NELL1: variants seen among roughly 807,000 people sequenced by gnomAD.
NELL1 encodes protein kinase C-binding protein NELL1.
In NELL1, 76 loss-of-function variants were observed where a neutral mutation model predicts 107.4. The observed-to-expected ratio is 0.71, with a 90% confidence interval of 0.59 to 0.86. The LOEUF (loss-of-function observed/expected upper bound fraction) is 0.86. Among genes scored for constraint, NELL1 ranks in the 40% least tolerant of loss-of-function variants. The probability of loss-of-function intolerance (pLI) is 0.00; values close to 1 mark genes in which losing one functional copy is unlikely to be tolerated. For synonymous variants in NELL1, 353 were observed against 341.2 expected, an observed-to-expected ratio of 1.03 and a Z score of -0.38; for missense variants, 1,024 against 1,005.5, an observed-to-expected ratio of 1.02 and a Z score of -0.25.
At chr11:20,929,801 G>A (rs570296243) in intron 9 of NELL1, among the ~76,000 whole-genome samples, 16 of 152,044 alleles carry the variant, frequency 1.1e-4, no homozygotes, top group Non-Finnish European at 1.6e-4. Context: ...GCGAAATCCC[G>A]TCTCTACTAA....
intron 14 of NELL1, among the ~76,000 whole-genome samples, chr11:21,259,076 T>C (rs1291536559): frequency 2.6e-5 from 4 of 151,864 alleles, no homozygotes; most frequent in Non-Finnish European, 4.4e-5. Context: ...GAATGCTTTA[T>C]ATTGTTCCTA....
chr11:20,870,877 G>T (rs1158483917), intron 4 of NELL1, among the ~76,000 whole-genome samples: 1 of 152,176 alleles, frequency 6.6e-6, no homozygotes, highest in East Asian at 1.9e-4. Context: ...GATGATGATT[G>T]CTTTTTAAAA....
intron 12 of NELL1, among the ~76,000 whole-genome samples, chr11:21,079,317 T>C (rs1180196499): frequency 6.6e-6 from 1 of 152,050 alleles, no homozygotes; most frequent in Non-Finnish European, 1.5e-5. Flanking sequence ...CAGATTTTAA[T>C]GCACCGTTCT....
chr11:21,538,866 C>T (rs574255805), intron 16 of NELL1, among the ~76,000 whole-genome samples: 3 of 152,258 alleles, frequency 2.0e-5, no homozygotes, highest in Non-Finnish European at 2.9e-5. Context: ...ATTGCTCCCA[C>T]AAATGAAACT....
At chr11:21,019,190 T>C (rs903551014) in intron 12 of NELL1, among the ~76,000 whole-genome samples, 2 of 152,032 alleles carry the variant, frequency 1.3e-5, no homozygotes, top group Non-Finnish European at 2.9e-5. Flanking sequence ...TTATAATTGC[T>C]CTTCTTACCT....
intron 15 of NELL1, among the ~76,000 whole-genome samples, chr11:21,479,275 T>A (rs769392953): frequency 2.0e-5 from 3 of 152,162 alleles, no homozygotes; most frequent in African/African-American, 4.8e-5. Flanking sequence ...AGCCGAGATT[T>A]GGAAGCAACC....
chr11:21,432,387 C>T (rs550246426), intron 15 of NELL1, among the ~76,000 whole-genome samples: 73 of 152,118 alleles, frequency 4.8e-4, no homozygotes, highest in Middle Eastern at 3.4e-3. Context: ...AGTGAAAATG[C>T]TTGTCATTAT....
At chr11:21,215,380 A>T (rs1565114800) in intron 13 of NELL1, among the ~76,000 whole-genome samples, 1 of 152,206 alleles carries the variant, frequency 6.6e-6, no homozygotes, top group Non-Finnish European at 1.5e-5. Context: ...GTTCTTTATT[A>T]GCAGTGTGAG....
intron 15 of NELL1, among the ~76,000 whole-genome samples, chr11:21,427,169 C>G (rs1852843526): frequency 6.6e-6 from 1 of 152,172 alleles, no homozygotes; most frequent in African/African-American, 2.4e-5. Context: ...TTTCATGTCG[C>G]TATGTCTCAT....
intron 3 of NELL1, among the ~76,000 whole-genome samples, chr11:20,830,231 C>A (rs1338210665): frequency 6.6e-6 from 1 of 150,498 alleles, no homozygotes; most frequent in Non-Finnish European, 1.5e-5. Context: ...AAGACCCAGA[C>A]TGGTGACAGA....
chr11:21,012,504 G>A lies in NELL1; in HGVS notation c.1300+51944G>A, dbSNP rs1243990606. On this transcript the variant is annotated intron_variant, in intron 12 of 19. Coordinates refer to ENST00000357134, the MANE Select transcript of NELL1 (RefSeq NM_006157.5). ...GTCTCTCCCATTGTAACTGCCTGAT[G>A]AGAACCTCTTGCCCACTGTCCAGAT... Among the ~76,000 whole-genome samples the A allele has an allele frequency of 3.3e-5, 5 of 152,124 alleles. No homozygotes were observed. In the South Asian group the frequency reaches 8.3e-4, roughly 25 times the overall value.
In NELL1 at chr11:21,496,408, G is replaced by T. The variant is rs201526745; in HGVS notation, c.1646-37966G>T. Among the ~76,000 whole-genome samples, 2,060 of 121,032 alleles carry T rather than the reference G, an allele frequency of 0.017. 158 individuals carry two copies. The East Asian group carries it at 0.26, about 15-fold the overall frequency. 79.4% of individuals were successfully genotyped at this position (121,032 alleles called of 152,430 possible). A position where few individuals can be genotyped will look rare whatever the true frequency, so the allele number is the denominator to read the frequency against. ...TTAAACATATTTTTATTCTTCTCTT[G>T]TTTTTTTTTTTTTTTTTCTTGAGAG... is the stretch of plus-strand genomic sequence containing the variant. On this transcript the variant is annotated intron_variant, in intron 15 of 19. Coordinates refer to ENST00000357134, the MANE Select transcript of NELL1 (RefSeq NM_006157.5).
intron 12 of NELL1, among the ~76,000 whole-genome samples, chr11:21,071,374 C>T (rs1053870244): frequency 1.3e-5 from 2 of 152,122 alleles, no homozygotes; most frequent in Non-Finnish European, 2.9e-5. Context: ...CAGTTGGCAA[C>T]ATGTCTGGCA....
intron 14 of NELL1, among the ~76,000 whole-genome samples, chr11:21,329,786 T>TA (rs1253432416): frequency 6.6e-6 from 1 of 152,152 alleles, no homozygotes; most frequent in African/African-American, 2.4e-5. Context: ...CATATGTACC[T>TA]AATGAGAATC....
chr11:21,204,441 C>A (rs1044829284), intron 13 of NELL1, among the ~76,000 whole-genome samples: 1 of 151,832 alleles, frequency 6.6e-6, no homozygotes. Flanking sequence ...TGTTCTCATG[C>A]TGTGTTTTTC....
At chr11:21,044,414 T>C (rs985147949) in intron 12 of NELL1, among the ~76,000 whole-genome samples, 3 of 152,126 alleles carry the variant, frequency 2.0e-5, no homozygotes, top group African/African-American at 2.4e-5. Flanking sequence ...GGAGAAAGCA[T>C]GTTAAGCAAC....
chr11:21,393,055 G>T (rs1295955550), intron 15 of NELL1, among the ~76,000 whole-genome samples: 1 of 151,218 alleles, frequency 6.6e-6, no homozygotes, highest in Admixed American at 6.6e-5. Flanking sequence ...ATAATTTCAA[G>T]TGATTTGGAC....
chr11:21,195,860 T>C (rs1327250571), intron 13 of NELL1, among the ~76,000 whole-genome samples: 1 of 152,172 alleles, frequency 6.6e-6, no homozygotes, highest in Non-Finnish European at 1.5e-5. Context: ...CAAGGGCTGG[T>C]AATTGCCTCA....
intron 14 of NELL1, among the ~76,000 whole-genome samples, chr11:21,257,816 T>C (rs1385244333): frequency 6.6e-6 from 1 of 151,932 alleles, no homozygotes; most frequent in East Asian, 1.9e-4. Flanking sequence ...AGTTTAATGG[T>C]AGGAGGGGAT....
Sources: gnomAD v4.1 joint callset for allele counts (sites outside exome capture counted in the v4.1 genomes callset) on GRCh38, gnomAD v4.1.1 for gene constraint, MANE v1.5 for transcripts, NCBI Gene and HGNC (gene_info 2026-07-23, HGNC 2026-07-21) for gene names.